The following C3orf18 variants were observed in gnomAD, a reference collection of about 807,000 sequenced individuals.
C3orf18 encodes the protein chromosome 3 open reading frame 18.
A neutral mutation model predicts 14.1 loss-of-function variants in C3orf18; 12 were observed. The ratio of observed to expected loss-of-function variants is 0.85; its 90% CI spans 0.55 to 1.38. C3orf18 has a LOEUF of 1.38. C3orf18 is among the 40% of genes most tolerant of loss of function. The probability of loss-of-function intolerance (pLI) is 0.00; values close to 1 mark genes in which losing one functional copy is unlikely to be tolerated. For synonymous variants in C3orf18, 82 were observed against 87.9 expected (o/e 0.93, Z 0.38); for missense variants, 196 against 213.9 (o/e 0.92, Z 0.52).
At chr3:50,563,196 C>T (rs1454533241) in intron 3 of C3orf18, among the ~76,000 whole-genome samples, 1 of 152,120 alleles carries the variant, frequency 6.6e-6, no homozygotes. Flanking sequence ...AATCCTCACT[C>T]TCCCCTCCTG....
upstream of C3orf18, among the ~76,000 whole-genome samples, chr3:50,574,619 C>T (rs1559456848): frequency 6.6e-6 from 1 of 152,158 alleles, no homozygotes; most frequent in Non-Finnish European, 1.5e-5. Context: ...AACTGGTCAC[C>T]CTACCAACCT....
rs1700251741 is a variant in C3orf18, at chr3:50,565,714, G to A, written c.-15C>T. On this transcript the variant is annotated 5_prime_UTR_variant, in exon 3 of 6. Transcript: ENST00000357203. This position sits in a 1 kb window ranked among gnomAD's most constrained non-coding sequence, Gnocchi z 4.4. ...CTGGAGTTCATGCTGATGCGGAGAG[G>A]GCCCTGGCTGAGAGGCTGCCTGATG... 1.3e-6 allele frequency: 2 copies of A among 1,592,238 alleles called. No individual in the cohort carries two copies. The highest frequency in any genetic ancestry group is 8.6e-7 in the Non-Finnish European group (1 of 1,168,842).
chr3:50,572,321 T>A, upstream of C3orf18: 1 of 1,084,192 alleles, frequency 9.2e-7, no homozygotes, highest in Non-Finnish European at 1.3e-6. Context: ...TCAGGGACAG[T>A]GCCTTTCTAG....
intron 3 of C3orf18, among the ~76,000 whole-genome samples, chr3:50,564,434 G>A (rs776833645): frequency 2.6e-5 from 4 of 152,040 alleles, no homozygotes; most frequent in Non-Finnish European, 5.9e-5. Context: ...CCTTCCTGAT[G>A]GCTGCCACCT....
At chr3:50,561,621 G>A in intron 4 of C3orf18, 101 bp downstream of exon 4, 3 of 1,197,904 alleles carry the variant, frequency 2.5e-6, no homozygotes, top group Non-Finnish European at 3.7e-6. Flanking sequence ...GACAGGCCTT[G>A]ACTCCCTGAT....
chr3:50,565,454 C>T lies in C3orf18; in HGVS notation c.234+12G>A. 1 of 1,598,222 alleles carries T rather than the reference C, an allele frequency of 6.3e-7. No homozygotes were observed. Among genetic ancestry groups the T allele is most frequent in the South Asian group, 1.1e-5 (1 of 90,688 alleles). ...CACTGATTATCCTCCCCCAGCCTACCCCAGCTCTCACCAAGGCCACAGCCA... is the reference window on the plus strand; with the variant it reads ...CACTGATTATCCTCCCCCAGCCTACTCCAGCTCTCACCAAGGCCACAGCCA... On this transcript the variant is annotated intron_variant, in intron 3 of 5. Coordinates refer to ENST00000357203, the MANE Select transcript of C3orf18 (RefSeq NM_016210.5). The surrounding 1 kb of genome is among the most constrained non-coding windows in gnomAD (Gnocchi z 4.4).
In C3orf18 at chr3:50,558,941, G is replaced by A. The variant is rs1005961286; in HGVS notation, c.*716C>T. 6.2e-6 allele frequency: 8 copies of A among 1,287,246 alleles called. No homozygotes were observed. The highest frequency in any genetic ancestry group is 4.6e-5 in the African/African-American group (3 of 65,918). The allele number at this position is 1,287,246 out of a possible 1,614,324, so 79.7% of individuals were successfully genotyped here. On this transcript the variant is annotated 3_prime_UTR_variant, in exon 6 of 6. Coordinates refer to ENST00000357203, the MANE Select transcript of C3orf18 (RefSeq NM_016210.5). ...CTCATGCACATGCATGAGGCCTCTC[G>A]GCAGGTCTGGGGGGGCTGCATCCTT...
At chr3:50,566,649 GGA>G (rs1359033131) in intron 1 of C3orf18, among the ~76,000 whole-genome samples, 1 of 152,124 alleles carries the variant, frequency 6.6e-6, no homozygotes, top group Middle Eastern at 3.2e-3. Context: ...AAGACAAGAA[GGA>G]GAGAGAGGCT....
chr3:50,560,943 T>C lies in C3orf18; in HGVS notation c.382A>G (p.Thr128Ala), dbSNP rs748084723. The change falls in exon 5 of 6, where the codon ACT becomes GCT. Residue 128 changes from threonine (T) to alanine (A), a missense_variant. By Grantham distance (58) the Thr-to-Ala change is moderately conservative. Transcript: ENST00000357203. Reference protein sequence around the residue: ...GRDAASVQAATSVQAMQGKTT... With the variant: ...GRDAASVQAAASVQAMQGKTT... ...TTGCCCTGCATGGCCTGCACAGAAG[T>C]AGCAGCCTGTACAGAGGCGGCGTCC... 14 of 1,613,468 alleles carry C rather than the reference T, an allele frequency of 8.7e-6. No individual in the cohort carries two copies. The South Asian group carries it at 1.5e-4, about 18-fold the overall frequency.
At chr3:50,560,889 C>T (rs751126572) in intron 5 of C3orf18, 28 bp downstream of exon 5, 48 of 1,580,600 alleles carry the variant, frequency 3.0e-5, no homozygotes, top group South Asian at 2.5e-4. Context: ...ATGCTGCAGG[C>T]GGGGTGGGGA....
At chr3:50,561,904 CTT>C (rs35405680) in intron 3 of C3orf18, 157 bp from the exon 4 acceptor site, 1,211 of 587,978 alleles carry the variant, frequency 2.1e-3, no homozygotes, top group South Asian at 3.2e-3. Flanking sequence ...CTTCATGCCT[CTT>C]TTTTTTTTTT....
intron 5 of C3orf18, among the ~76,000 whole-genome samples, chr3:50,560,618 A>G (rs771445591): frequency 1.9e-4 from 29 of 152,160 alleles, no homozygotes; most frequent in Non-Finnish European, 3.5e-4. Flanking sequence ...TAGGATTTTC[A>G]ATTGTGGAAG....
chr3:50,571,443 T>G, upstream of C3orf18: 1 of 825,996 alleles, frequency 1.2e-6, no homozygotes, highest in Non-Finnish European at 1.9e-6. Flanking sequence ...TGATGGGATT[T>G]TTCTGAAGGA....
At chr3:50,569,158 G>C (rs895005932), upstream of C3orf18, 1 of 152,332 alleles carries the variant, frequency 6.6e-6, no homozygotes, top group Non-Finnish European at 1.5e-5. Flanking sequence ...CCCCCTTTCC[G>C]GCAGGCTACT....
upstream of C3orf18, chr3:50,570,248 T>C (rs1179186119): frequency 6.6e-6 from 1 of 152,246 alleles, no homozygotes; most frequent in Non-Finnish European, 1.5e-5. Context: ...AAACGCTAGT[T>C]TGGACTTTTA....
chr3:50,572,225 G>A, upstream of C3orf18: 5 of 1,560,866 alleles, frequency 3.2e-6, no homozygotes, highest in Non-Finnish European at 4.4e-6. Context: ...GTGCCACCAG[G>A]GCAAGGCAGG....
chr3:50,572,735 G>A (rs949790961), upstream of C3orf18, among the ~76,000 whole-genome samples: 4 of 152,246 alleles, frequency 2.6e-5, no homozygotes, highest in Admixed American at 2.6e-4. Flanking sequence ...GACTGGTCTG[G>A]TAATCACCTG....
At chr3:50,561,184 G>T in intron 4 of C3orf18, 120 bp from the exon 5 acceptor site, 1 of 1,129,260 alleles carries the variant, frequency 8.9e-7, no homozygotes, top group Non-Finnish European at 1.3e-6. Flanking sequence ...GGGCCTTAAG[G>T]TTTCCCTTGA....
intron 4 of C3orf18, among the ~76,000 whole-genome samples, chr3:50,561,277 C>T (rs575603877): frequency 6.6e-6 from 1 of 152,248 alleles, no homozygotes; most frequent in Non-Finnish European, 1.5e-5. Flanking sequence ...CAGCAGTTAC[C>T]CACTCCAGGG....
Sources: gnomAD v4.1 joint callset for allele counts (sites outside exome capture counted in the v4.1 genomes callset) on GRCh38, gnomAD v4.1.1 for gene constraint, Gnocchi (gnomAD v3.1) non-coding constraint, MANE v1.5 for transcripts, NCBI Gene and HGNC (gene_info 2026-07-23, HGNC 2026-07-21) for gene names.